KALRN: variants seen among roughly 807,000 people sequenced by gnomAD.
The protein encoded by KALRN is kalirin.
In KALRN, 70 loss-of-function variants were observed where a neutral mutation model predicts 353.7. The observed-to-expected ratio is 0.20, with a 90% CI of 0.16 to 0.24. The LOEUF (loss-of-function observed/expected upper bound fraction) is 0.24. Ranked by LOEUF, KALRN falls within the 10% of genes least tolerant of loss-of-function variation. KALRN has a pLI of 1.00. For synonymous variants in KALRN, 1,391 were observed against 1,434.8 expected, an observed-to-expected ratio of 0.97 and a Z score of 0.69; for missense variants, 2,791 against 3,756.7, an observed-to-expected ratio of 0.74 and a Z score of 6.72.
At chr3:124,459,418 A>C (rs2059638639) in intron 23 of KALRN, among the ~76,000 whole-genome samples, 1 of 152,220 alleles carries the variant, frequency 6.6e-6, no homozygotes, top group Admixed American at 6.5e-5. Flanking sequence ...TAGGGGCCAG[A>C]ATTCATTTAG....
intron 1 of KALRN, among the ~76,000 whole-genome samples, chr3:124,167,991 G>A (rs1297235349): frequency 6.6e-6 from 1 of 152,158 alleles, no homozygotes; most frequent in East Asian, 1.9e-4. Context: ...TAGTTAGGGA[G>A]CTGCTAAGGA....
intron 34 of KALRN, chr3:124,584,717 C>A (rs1260965927): frequency 1.0e-5 from 15 of 1,487,186 alleles, no homozygotes; most frequent in Non-Finnish European, 1.2e-5. Context: ...GCGGGGAGGG[C>A]GGGAGCCGGC....
intron 33 of KALRN, among the ~76,000 whole-genome samples, chr3:124,520,938 C>A (rs2067111824): frequency 6.6e-6 from 1 of 152,216 alleles, no homozygotes; most frequent in Non-Finnish European, 1.5e-5. Context: ...AAATTCAGAT[C>A]TCTCATCCCC....
intron 38 of KALRN, among the ~76,000 whole-genome samples, chr3:124,655,291 C>A (rs1209846457): frequency 6.6e-6 from 1 of 152,194 alleles, no homozygotes; most frequent in Non-Finnish European, 1.5e-5. Context: ...TCTGTCTATA[C>A]AATCGTTCAG....
rs377355359 is a variant in KALRN at position 124,485,752 on chromosome 3, C to T, written c.4285-2452C>T. On this transcript the variant is annotated intron_variant, in intron 28 of 59. Coordinates refer to ENST00000682506, the MANE Select transcript of KALRN (RefSeq NM_001388419.1). ...AAAATTGCCCAGTCGTGGTGGCGTG[C>T]ACCTGTAGTCCCAGCTACTTGGGAG... is the stretch of plus-strand genomic sequence containing the variant. 2.0e-5 allele frequency among the ~76,000 whole-genome samples: 3 copies of T among 152,124 alleles called. No homozygotes were observed. The East Asian group carries it at 5.8e-4, about 29-fold the overall frequency.
At position 124,434,444 on chromosome 3, in the gene KALRN, C is replaced by G; in HGVS notation, c.2967C>G (p.His989Gln). 1 of 1,614,246 alleles carries G rather than the reference C, an allele frequency of 6.2e-7. No homozygotes were observed. The highest frequency in any genetic ancestry group is 8.5e-7 in the Non-Finnish European group (1 of 1,180,034). The change falls in exon 17 of 60, where the codon CAC (histidine) becomes CAG (glutamine). Residue 989 changes from histidine to glutamine, a missense_variant. Around this residue, in one of 11 missense-constraint regions of KALRN, gnomAD observed 452 missense variants for 575.8 expected, o/e 0.78. Transcript: ENST00000682506. ...IRECAEKVAL[H>Q]WQQLMLKMED... ...AATGTGCTGAGAAGGTGGCCCTCCA[C>G]TGGCAGCAGCTCATGCTGAAGATGG...
At chr3:124,617,790 G>A (rs1311412414) in intron 34 of KALRN, among the ~76,000 whole-genome samples, 4 of 152,160 alleles carry the variant, frequency 2.6e-5, no homozygotes, top group Non-Finnish European at 5.9e-5. Flanking sequence ...GGGGACCACA[G>A]TTTGAAAACT....
chr3:124,073,950 A>G (rs928189789), intron 1 of KALRN, among the ~76,000 whole-genome samples: 2 of 152,266 alleles, frequency 1.3e-5, no homozygotes, highest in African/African-American at 2.4e-5. Flanking sequence ...TCATCATGCT[A>G]TAGGATGACT....
chr3:124,590,764 G>A (rs1370640531), intron 34 of KALRN, among the ~76,000 whole-genome samples: 2 of 152,096 alleles, frequency 1.3e-5, no homozygotes, highest in Non-Finnish European at 2.9e-5. Context: ...GGAAAAGGCT[G>A]AGGTCTGAAA....
chr3:124,416,055 T>C lies in KALRN; in HGVS notation c.2542+2390T>C, dbSNP rs1424385756. 2.0e-5 allele frequency among the ~76,000 whole-genome samples: 3 copies of C among 152,176 alleles called. No individual in the cohort carries two copies. The East Asian group carries it at 5.8e-4, about 29-fold the overall frequency. ...TGGCCTGCCCTCATGGTACTTACTG[T>C]AGCTGTCTATGCAGCTACGACTGGG... On this transcript the variant is annotated intron_variant, in intron 14 of 59. Transcript: ENST00000682506.
At chr3:124,140,037 C>G (rs114847830) in intron 1 of KALRN, among the ~76,000 whole-genome samples, 2,911 of 152,266 alleles carry the variant, frequency 0.019, 107 homozygotes, top group African/African-American at 0.066. Flanking sequence ...GCAGAGTTAT[C>G]TCTCTTGTGA....
intron 1 of KALRN, among the ~76,000 whole-genome samples, chr3:124,081,198 C>T (rs1208393667): frequency 1.3e-5 from 2 of 152,320 alleles, no homozygotes; most frequent in East Asian, 1.9e-4. Flanking sequence ...GAACGGCACA[C>T]GTTGCTCCTG....
chr3:124,516,652 A>AAAC (rs2066606866), intron 33 of KALRN, among the ~76,000 whole-genome samples: 1 of 151,774 alleles, frequency 6.6e-6, no homozygotes, highest in East Asian at 1.9e-4. Context: ...AAAAAAAAAA[A>AAAC]AAACCTGGTA....
chr3:124,713,061 C>G lies in KALRN; in HGVS notation c.8202C>G (p.His2734Gln). ...CCCACGAGGCTGCCCTGCTTCAGCA[C>G]CTACAGCACCCCCAGTACATCACTC... ...QAAHEAALLQHLQHPQYITLH... is the reference protein window; with the variant it reads ...QAAHEAALLQQLQHPQYITLH... The change falls in exon 58 of 60, where the codon CAC becomes CAG. Residue 2734 changes from histidine to glutamine, a missense_variant. By Grantham distance (24) the His-to-Gln change is conservative (BLOSUM62 0). Transcript: ENST00000682506. 6.2e-7 allele frequency: 1 copy of G among 1,614,134 alleles called. No homozygotes were observed. Among genetic ancestry groups the G allele is most frequent in the Non-Finnish European group, 8.5e-7 (1 of 1,179,996 alleles).
At chr3:124,209,441 A>C (rs532555414) in intron 1 of KALRN, among the ~76,000 whole-genome samples, 1 of 140,094 alleles carries the variant, frequency 7.1e-6, no homozygotes, top group African/African-American at 2.7e-5. Context: ...TGAAGCCGAG[A>C]TCTCGCCACT....
intron 34 of KALRN, among the ~76,000 whole-genome samples, chr3:124,610,753 G>A (rs896950123): frequency 1.3e-5 from 2 of 152,156 alleles, no homozygotes; most frequent in Non-Finnish European, 2.9e-5. Context: ...GCTTACAACT[G>A]TAAGCCCAGC....
intron 1 of KALRN, among the ~76,000 whole-genome samples, chr3:124,066,653 C>T (rs954532187): frequency 6.6e-6 from 1 of 152,142 alleles, no homozygotes; most frequent in African/African-American, 2.4e-5. Flanking sequence ...ACCGCTTCAC[C>T]CTCCTTGCTT....
chr3:124,278,663 A>ATTGG lies in KALRN; in HGVS notation c.969+9410_969+9411insGGTT, dbSNP rs2075033108. The stretch of plus-strand genomic sequence containing the variant: ...AATCAGAGTTTATAAAGTAAAACCA[A>ATTGG]TTTTACTTTATAATTTGTTTTATAA... On this transcript the variant is annotated intron_variant, in intron 5 of 59. Transcript: ENST00000682506. Among the ~76,000 whole-genome samples the ATTGG allele has an allele frequency of 2.0e-5, 3 of 152,242 alleles. No individual in the cohort carries two copies. The South Asian group carries it at 6.2e-4, about 32-fold the overall frequency.
chr3:124,515,693 G>A (rs1409402195), intron 33 of KALRN, among the ~76,000 whole-genome samples: 1 of 152,162 alleles, frequency 6.6e-6, no homozygotes, highest in African/African-American at 2.4e-5. Flanking sequence ...TCTCAAAGAA[G>A]AGAAATTACT....
Sources: allele counts gnomAD v4.1 joint callset (sites outside exome capture counted in the v4.1 genomes callset), GRCh38; gene constraint gnomAD v4.1.1; regional missense constraint gnomAD v4.1.1; transcripts MANE v1.5; gene names NCBI Gene and HGNC (gene_info 2026-07-23, HGNC 2026-07-21).